The following PITPNB variants were observed in gnomAD, a reference collection of about 807,000 sequenced individuals.
PITPNB encodes phosphatidylinositol transfer protein beta.
A neutral mutation model predicts 45.9 loss-of-function variants in PITPNB; 16 were observed. The ratio of observed to expected loss-of-function variants is 0.35; its 90% confidence interval spans 0.24 to 0.53. The LOEUF (loss-of-function observed/expected upper bound fraction) is 0.53. Ranked by LOEUF, PITPNB falls within the 20% of genes least tolerant of loss-of-function variation. PITPNB has a pLI of 0.93. For synonymous variants in PITPNB, 112 were observed against 108.9 expected (o/e 1.03, Z -0.18); for missense variants, 188 against 330.5 (o/e 0.57, Z 3.34).
In PITPNB at chr22:27,853,551, G is replaced by T; in HGVS notation, c.*151C>A. ...TGGTTGAGAACCTGTGCATGTGTGT[G>T]TATCATCACAAGCACACATCTGGGA... On this transcript the variant is annotated 3_prime_UTR_variant, in exon 12 of 12. Coordinates refer to ENST00000335272, the MANE Select transcript of PITPNB (RefSeq NM_012399.5). The T allele has an allele frequency of 3.2e-6, 4 of 1,253,136 alleles. No individual in the cohort carries two copies. The highest frequency in any genetic ancestry group is 3.7e-4 in the Middle Eastern group (2 of 5,426). The allele number at this position is 1,253,136 out of a possible 1,614,324, so 77.6% of individuals were successfully genotyped here. A position where few individuals can be genotyped will look rare whatever the true frequency, so the allele number is the denominator to read the frequency against.
At position 27,894,655 on chromosome 22, in the gene PITPNB, GAAAAGAAACAAAAC is replaced by G; in HGVS notation, c.373-31_373-18del. On this transcript the variant is annotated intron_variant, in intron 6 of 11. Coordinates refer to ENST00000335272, the MANE Select transcript of PITPNB (RefSeq NM_012399.5). ...ACCATGTACCTACCAATGACAAAGAGAAAAGAAACAAAACAAACTGTAGATTATTCTATTATGCT... is the reference window on the plus strand; with the variant it reads ...ACCATGTACCTACCAATGACAAAGAGAAACTGTAGATTATTCTATTATGCT... The G allele has an allele frequency of 6.8e-7, 1 of 1,462,798 alleles. No individual in the cohort carries two copies. The highest frequency in any genetic ancestry group is 9.6e-7 in the Non-Finnish European group (1 of 1,045,918). The allele number at this position is 1,462,798 out of a possible 1,614,324, so 90.6% of individuals were successfully genotyped here.
chr22:27,913,977 T>C (rs560306635), intron 2 of PITPNB, among the ~76,000 whole-genome samples: 31 of 152,314 alleles, frequency 2.0e-4, no homozygotes, highest in Admixed American at 1.1e-3. Flanking sequence ...AACAGTAAAG[T>C]AGGCTGCTTC....
At chr22:27,916,153 C>A (rs958334715) in intron 1 of PITPNB, among the ~76,000 whole-genome samples, 3 of 152,134 alleles carry the variant, frequency 2.0e-5, no homozygotes, top group Non-Finnish European at 2.9e-5. Context: ...CAGGAAGATC[C>A]CTATTTTTAT....
At chr22:27,883,276 T>C (rs1935026416) in intron 7 of PITPNB, among the ~76,000 whole-genome samples, 1 of 152,252 alleles carries the variant, frequency 6.6e-6, no homozygotes, top group Non-Finnish European at 1.5e-5. Context: ...TCAGGAGCTC[T>C]GCATTAGAGT....
chr22:27,876,069 C>T (rs891436053), intron 7 of PITPNB, among the ~76,000 whole-genome samples: 1 of 152,262 alleles, frequency 6.6e-6, no homozygotes, highest in Middle Eastern at 3.4e-3. Flanking sequence ...CACCCAAGCT[C>T]CTTCATTTGA....
At chr22:27,886,322 T>C (rs1023060226) in intron 7 of PITPNB, among the ~76,000 whole-genome samples, 10 of 152,096 alleles carry the variant, frequency 6.6e-5, no homozygotes, top group Non-Finnish European at 1.2e-4. Flanking sequence ...GCAATAGTCA[T>C]ATACAGACTT....
chr22:27,914,206 A>G (rs1045267821), intron 2 of PITPNB, 111 bp downstream of exon 2: 6 of 711,216 alleles, frequency 8.4e-6, no homozygotes, highest in Admixed American at 6.7e-5. Flanking sequence ...ATTTTGTCAC[A>G]TAAGGTGGAA....
chr22:27,853,548 T>A lies in PITPNB; in HGVS notation c.*154A>T. ...ACGTGGTTGAGAACCTGTGCATGTG[T>A]GTGTATCATCACAAGCACACATCTG... On this transcript the variant is annotated 3_prime_UTR_variant, in exon 12 of 12. Transcript: ENST00000335272. 1 of 1,221,210 alleles carries A rather than the reference T, an allele frequency of 8.2e-7. No homozygotes were observed. 75.6% of individuals were successfully genotyped at this position (1,221,210 alleles called of 1,614,324 possible).
At chr22:27,859,233 T>G (rs1569003583) in intron 9 of PITPNB, among the ~76,000 whole-genome samples, 1 of 152,228 alleles carries the variant, frequency 6.6e-6, no homozygotes, top group Non-Finnish European at 1.5e-5. Context: ...TGTTAATCTA[T>G]GATTATGATC....
chr22:27,910,113 G>A (rs1252302463), intron 3 of PITPNB, among the ~76,000 whole-genome samples: 1 of 152,014 alleles, frequency 6.6e-6, no homozygotes, highest in African/African-American at 2.4e-5. Context: ...ACCACACCCA[G>A]GCTAATTTTT....
At chr22:27,917,828 A>T (rs901788067) in intron 1 of PITPNB, among the ~76,000 whole-genome samples, 1 of 152,200 alleles carries the variant, frequency 6.6e-6, no homozygotes, top group African/African-American at 2.4e-5. Context: ...GATGGTGATA[A>T]GTACTATGGA....
intron 11 of PITPNB, among the ~76,000 whole-genome samples, chr22:27,854,535 C>A (rs1333447130): frequency 6.6e-6 from 1 of 152,058 alleles, no homozygotes; most frequent in African/African-American, 2.4e-5. Flanking sequence ...CTACAAAGAA[C>A]CAGGTCAATT....
intron 8 of PITPNB, among the ~76,000 whole-genome samples, chr22:27,860,833 T>G (rs2146349386): frequency 6.6e-6 from 1 of 152,150 alleles, no homozygotes; most frequent in East Asian, 1.9e-4. Context: ...TTAAATAGTG[T>G]AGTCAGGAAT....
chr22:27,904,528 A>AT (rs1475614650), intron 3 of PITPNB, among the ~76,000 whole-genome samples: 2 of 152,368 alleles, frequency 1.3e-5, no homozygotes, highest in East Asian at 3.9e-4. Flanking sequence ...ATTGTTGAAA[A>AT]TGTTCTGAAA....
At position 27,893,582 on chromosome 22, in the gene PITPNB, C is replaced by CTTTT. The variant is rs745878388; in HGVS notation, c.456+969_456+972dup. Reference sequence around the variant, plus strand: ...ACAGGCTTGAGCCACCATGTCTAGCCTTTTTTTTTTTTTTTTTTTTTTTTT... The same window carrying CTTTT: ...ACAGGCTTGAGCCACCATGTCTAGCCTTTTTTTTTTTTTTTTTTTTTTTTTTTTT... On this transcript the variant is annotated intron_variant, in intron 7 of 11. Coordinates refer to ENST00000335272, the MANE Select transcript of PITPNB (RefSeq NM_012399.5). Among the ~76,000 whole-genome samples, 56 of 74,050 alleles carry CTTTT rather than the reference C, an allele frequency of 7.6e-4. 1 individual carries two copies. The highest frequency in any genetic ancestry group is 1.4e-3 in the Admixed American group (7 of 4,942). 48.6% of individuals were successfully genotyped at this position (74,050 alleles called of 152,430 possible). A position where few individuals can be genotyped will look rare whatever the true frequency, so the allele number is the denominator to read the frequency against.
At chr22:27,900,441 C>T (rs905731753) in intron 3 of PITPNB, among the ~76,000 whole-genome samples, 1 of 152,082 alleles carries the variant, frequency 6.6e-6, no homozygotes, top group Non-Finnish European at 1.5e-5. Flanking sequence ...TTCTTTATCT[C>T]GCTCCCAAAT....
chr22:27,893,981 ATTT>A (rs758717976), intron 7 of PITPNB, among the ~76,000 whole-genome samples: 18 of 152,136 alleles, frequency 1.2e-4, no homozygotes, highest in Non-Finnish European at 2.6e-4. Flanking sequence ...TGAAAAAGAA[ATTT>A]TTTTATTAAG....
intron 1 of PITPNB, among the ~76,000 whole-genome samples, chr22:27,916,906 A>G (rs1005119875): frequency 2.6e-5 from 4 of 152,230 alleles, no homozygotes; most frequent in Admixed American, 2.0e-4. Flanking sequence ...CATTGCTCCT[A>G]ACCAACAAGA....
At chr22:27,915,165 A>G (rs1827159778) in intron 1 of PITPNB, among the ~76,000 whole-genome samples, 1 of 152,160 alleles carries the variant, frequency 6.6e-6, no homozygotes, top group Non-Finnish European at 1.5e-5. Flanking sequence ...CTGTATATCA[A>G]TGGTCTCATA....
Sources: gnomAD v4.1 joint callset for allele counts (sites outside exome capture counted in the v4.1 genomes callset) on GRCh38, gnomAD v4.1.1 for gene constraint, MANE v1.5 for transcripts, NCBI Gene and HGNC (gene_info 2026-07-23, HGNC 2026-07-21) for gene names.